Variants in MRAP2 observed in about 807,000 individuals in gnomAD.
The protein encoded by MRAP2 is melanocortin-2 receptor accessory protein 2.
Under a neutral mutation model 17.4 loss-of-function variants are expected in MRAP2, and 20 were observed. The ratio of observed to expected loss-of-function variants is 1.15; its 90% confidence interval spans 0.81 to 1.67. The LOEUF is 1.67. Ranked by LOEUF, MRAP2 falls within the 40% of genes most tolerant of loss-of-function variation. MRAP2 has a pLI of 0.00. For missense variants in MRAP2, 238 were observed against 240.0 expected, an observed-to-expected ratio of 0.99 and a Z score of 0.05; for synonymous variants, 96 against 88.4, an observed-to-expected ratio of 1.09 and a Z score of -0.48.
At chr6:84,120,914 T>G in the MRAP2 span, among the ~76,000 whole-genome samples, 1 of 152,204 alleles carries the variant, frequency 6.6e-6, no homozygotes, top group Non-Finnish European at 1.5e-5. Context: ...TACTGAGCAC[T>G]TGAAATATGG....
intron 1 of MRAP2, among the ~76,000 whole-genome samples, chr6:84,034,171 G>A (rs998885837): frequency 6.6e-6 from 1 of 152,212 alleles, no homozygotes; most frequent in South Asian, 2.1e-4. Flanking sequence ...GGCGCTCGGG[G>A]CTTGGGTGGG....
chr6:84,084,630 A>C (rs2099499816), intron 3 of MRAP2, among the ~76,000 whole-genome samples: 1 of 152,204 alleles, frequency 6.6e-6, no homozygotes, highest in Admixed American at 6.5e-5. Context: ...AAAAGTCTGC[A>C]GATTCAAAAT....
At chr6:84,040,615 G>T (rs2099487293) in intron 1 of MRAP2, among the ~76,000 whole-genome samples, 1 of 152,212 alleles carries the variant, frequency 6.6e-6, no homozygotes, top group Non-Finnish European at 1.5e-5. Context: ...AATACTGATA[G>T]TGATATGGAC....
Position 84,054,244 on chromosome 6 carries a change from G to A in MRAP2, c.-7-1068G>A, listed in dbSNP as rs554212967. Among the ~76,000 whole-genome samples, 3 of 152,196 alleles carry A rather than the reference G, an allele frequency of 2.0e-5. No individual in the cohort carries two copies. In the South Asian group the frequency reaches 6.2e-4, roughly 32 times the overall value. On this transcript the variant is annotated intron_variant, in intron 1 of 3. Transcript: ENST00000257776. ...GTCTGTGGAGTACTGATCTGTCTCAGGCATCTCTGCCCACCCCACAGTGTG... is the reference window on the plus strand; with the variant it reads ...GTCTGTGGAGTACTGATCTGTCTCAAGCATCTCTGCCCACCCCACAGTGTG...
At chr6:84,094,743 G>A (rs373972887), downstream of MRAP2, among the ~76,000 whole-genome samples, 2 of 152,028 alleles carry the variant, frequency 1.3e-5, no homozygotes, top group South Asian at 2.1e-4. Flanking sequence ...CCAGGCTGGA[G>A]TGCAGTGGCG....
chr6:84,113,551 G>A, the MRAP2 span, among the ~76,000 whole-genome samples: 79 of 152,250 alleles, frequency 5.2e-4, 1 homozygote, highest in East Asian at 0.012. Context: ...TTGCCAGTCT[G>A]TGTCTTTTAA....
chr6:84,117,614 CTT>C, the MRAP2 span, among the ~76,000 whole-genome samples: 1 of 150,484 alleles, frequency 6.6e-6, no homozygotes, highest in African/African-American at 2.5e-5. Flanking sequence ...TGTCTTCAGT[CTT>C]TGAGGTTGCT....
At chr6:84,068,719 G>T (rs965791618) in intron 3 of MRAP2, among the ~76,000 whole-genome samples, 12 of 145,458 alleles carry the variant, frequency 8.2e-5, no homozygotes, top group African/African-American at 3.1e-4. Context: ...CTTGGTCGCT[G>T]TTGGTGTATA....
At chr6:84,048,460 A>G (rs916336930) in intron 1 of MRAP2, among the ~76,000 whole-genome samples, 2 of 152,240 alleles carry the variant, frequency 1.3e-5, no homozygotes, top group African/African-American at 2.4e-5. Flanking sequence ...AAACCTAACT[A>G]TAATAAAAGT....
rs143519595 is a variant in MRAP2 at position 84,052,491 on chromosome 6, C to T, written c.-7-2821C>T. 6.0e-3 allele frequency among the ~76,000 whole-genome samples: 911 copies of T among 152,278 alleles called. 7 individuals carry two copies. Among genetic ancestry groups the T allele is most frequent in the African/African-American group, 0.02 (813 of 41,552 alleles). On this transcript the variant is annotated intron_variant, in intron 1 of 3. Coordinates refer to ENST00000257776, the MANE Select transcript of MRAP2 (RefSeq NM_138409.4). The stretch of plus-strand genomic sequence containing the variant: ...AACACAGAACACTTCCCTAGCACTG[C>T]CGTATGTTTGTTGTTGGTCTTTGTG...
chr6:84,057,845 T>C (rs1305421535), intron 2 of MRAP2, among the ~76,000 whole-genome samples: 3 of 152,052 alleles, frequency 2.0e-5, no homozygotes, highest in Non-Finnish European at 4.4e-5. Context: ...GGCGACAGTA[T>C]AGAATTGCCA....
chr6:84,104,282 G>A, the MRAP2 span, among the ~76,000 whole-genome samples: 6 of 152,258 alleles, frequency 3.9e-5, no homozygotes, highest in East Asian at 5.8e-4. Context: ...TCCTGCCCAC[G>A]AAACCATCTT....
chr6:84,103,271 A>G, the MRAP2 span, among the ~76,000 whole-genome samples: 2 of 152,126 alleles, frequency 1.3e-5, no homozygotes, highest in Non-Finnish European at 2.9e-5. Context: ...TTGTGCCATG[A>G]TGGTAGATAA....
chr6:84,054,569 C>A (rs2099491234), intron 1 of MRAP2, among the ~76,000 whole-genome samples: 1 of 152,192 alleles, frequency 6.6e-6, no homozygotes, highest in Admixed American at 6.5e-5. Flanking sequence ...AACTTAGTTT[C>A]CTCCAAACCC....
At chr6:84,086,164 C>T (rs2099500390) in intron 3 of MRAP2, among the ~76,000 whole-genome samples, 1 of 152,190 alleles carries the variant, frequency 6.6e-6, no homozygotes, top group Non-Finnish European at 1.5e-5. Flanking sequence ...AATGAAAATA[C>T]TCATGCCATA....
At chr6:84,064,513 A>G (rs1697076256) in intron 3 of MRAP2, among the ~76,000 whole-genome samples, 1 of 151,880 alleles carries the variant, frequency 6.6e-6, no homozygotes, top group South Asian at 2.1e-4. Flanking sequence ...TTTGAGACGG[A>G]GTCTTGCTCT....
chr6:84,111,242 G>A, the MRAP2 span, among the ~76,000 whole-genome samples: 1 of 152,124 alleles, frequency 6.6e-6, no homozygotes, highest in East Asian at 1.9e-4. Flanking sequence ...CATGAGCATG[G>A]AATGTTTTTC....
chr6:84,089,690 AT>A lies in MRAP2; in HGVS notation c.*212del, dbSNP rs2099501366. On this transcript the variant is annotated 3_prime_UTR_variant, in exon 4 of 4. Transcript: ENST00000257776. ...TTGTTTTGTTTTTGCTTTTTAATAC[AT>A]TTGGAGCTTTGGGAGTATTAAAGTA... 1 of 561,036 alleles carries A rather than the reference AT, an allele frequency of 1.8e-6. No homozygotes were observed. The highest frequency in any genetic ancestry group is 1.9e-5 in the African/African-American group (1 of 53,254). 34.8% of individuals were successfully genotyped at this position (561,036 alleles called of 1,614,324 possible). A position where few individuals can be genotyped will look rare whatever the true frequency, so the allele number is the denominator to read the frequency against.
At chr6:84,033,680 G>A (rs1278353934), upstream of MRAP2, 8 of 984,698 alleles carry the variant, frequency 8.1e-6, no homozygotes, top group Non-Finnish European at 9.6e-6. Context: ...TGGGGAGGCG[G>A]CTCCCGCGCT....
Sources: gnomAD v4.1 joint callset for allele counts (sites outside exome capture counted in the v4.1 genomes callset) on GRCh38, gnomAD v4.1.1 for gene constraint, MANE v1.5 for transcripts, NCBI Gene and HGNC (gene_info 2026-07-23, HGNC 2026-07-21) for gene names.